The following LOXL2 variants were observed in gnomAD, a reference collection of about 807,000 sequenced individuals.
LOXL2 encodes lysyl oxidase homolog 2.
LOXL2 carries 70 observed loss-of-function variants against 93.0 expected under a neutral mutation model. The ratio of observed to expected loss-of-function variants is 0.75; its 90% CI spans 0.62 to 0.92. LOXL2 has a LOEUF of 0.92. Ranked by LOEUF, LOXL2 falls within the 40% of genes least tolerant of loss-of-function variation. The pLI is 0.00. For missense variants in LOXL2, 973 were observed against 1,054.9 expected (o/e 0.92, Z 1.08); for synonymous variants, 438 against 413.2 (o/e 1.06, Z -0.73).
chr8:23,369,219 G>A (rs927806480), intron 1 of LOXL2, among the ~76,000 whole-genome samples: 1 of 152,218 alleles, frequency 6.6e-6, no homozygotes, highest in African/African-American at 2.4e-5. Context: ...GGGCTGCAAT[G>A]CTAAATGAGT....
intron 3 of LOXL2, 35 bp from the exon 4 acceptor site, chr8:23,341,238 C>A: frequency 6.5e-7 from 1 of 1,549,408 alleles, no homozygotes; most frequent in South Asian, 1.1e-5. Context: ...AGAGGGTTAC[C>A]CTACTGGCCT....
chr8:23,398,953 C>T (rs896298395), intron 1 of LOXL2, among the ~76,000 whole-genome samples: 5 of 152,192 alleles, frequency 3.3e-5, no homozygotes, highest in African/African-American at 9.7e-5. Flanking sequence ...GCTGAGCAAG[C>T]ACTGCATTGG....
intron 10 of LOXL2, among the ~76,000 whole-genome samples, chr8:23,305,269 G>T (rs1272551588): frequency 6.6e-6 from 1 of 152,192 alleles, no homozygotes; most frequent in Non-Finnish European, 1.5e-5. Flanking sequence ...CGCACAGACA[G>T]ACTCTTGTAA....
intron 2 of LOXL2, among the ~76,000 whole-genome samples, chr8:23,366,627 G>A (rs1446673482): frequency 1.3e-5 from 2 of 152,170 alleles, no homozygotes; most frequent in East Asian, 1.9e-4. Flanking sequence ...AAGCTCCCTT[G>A]GGCGATTCTT....
chr8:23,301,315 C>T (rs905737851), intron 12 of LOXL2, among the ~76,000 whole-genome samples: 1 of 152,176 alleles, frequency 6.6e-6, no homozygotes, highest in Non-Finnish European at 1.5e-5. Flanking sequence ...TTTTCTCCCC[C>T]AGTTAGAGCC....
intron 4 of LOXL2, chr8:23,337,249 G>A (rs758348656): frequency 8.5e-5 from 13 of 152,904 alleles, no homozygotes; most frequent in Middle Eastern, 3.4e-3. Context: ...ACAGCCACGG[G>A]GCCCCCGCCA....
At chr8:23,319,626 A>G (rs891493668) in intron 8 of LOXL2, among the ~76,000 whole-genome samples, 3 of 152,106 alleles carry the variant, frequency 2.0e-5, no homozygotes, top group African/African-American at 7.2e-5. Context: ...GCAGGAGTGG[A>G]CCATGAAAAG....
At chr8:23,368,857 A>G (rs372534641) in intron 1 of LOXL2, among the ~76,000 whole-genome samples, 2 of 127,138 alleles carry the variant, frequency 1.6e-5, no homozygotes, top group Non-Finnish European at 3.7e-5. Flanking sequence ...GCTGTCTCTT[A>G]GGAGCTGTGG....
At chr8:23,316,315 A>G (rs910239561) in intron 9 of LOXL2, among the ~76,000 whole-genome samples, 1 of 152,174 alleles carries the variant, frequency 6.6e-6, no homozygotes, top group African/African-American at 2.4e-5. Flanking sequence ...TCTGGCCAGC[A>G]CCTGGGCCTC....
chr8:23,352,877 G>A (rs1804117075), intron 3 of LOXL2, among the ~76,000 whole-genome samples: 3 of 151,894 alleles, frequency 2.0e-5, no homozygotes, highest in Admixed American at 2.0e-4. Context: ...ACTGAGGCTT[G>A]GAGGTCACTC....
At chr8:23,302,237 A>C (rs780081439) in intron 11 of LOXL2, 74 bp from the exon 12 acceptor site, 1 of 1,584,178 alleles carries the variant, frequency 6.3e-7, no homozygotes, top group African/African-American at 1.3e-5. Flanking sequence ...CCTGCTTCCA[A>C]GGCCCCTACC....
intron 1 of LOXL2, among the ~76,000 whole-genome samples, chr8:23,375,413 T>C (rs1804571624): frequency 6.6e-6 from 1 of 152,156 alleles, no homozygotes. Flanking sequence ...GGCTTAGGAT[T>C]GACTTGGCAA....
intron 1 of LOXL2, among the ~76,000 whole-genome samples, chr8:23,379,408 T>A (rs2117224163): frequency 6.6e-6 from 1 of 152,268 alleles, no homozygotes; most frequent in East Asian, 1.9e-4. Flanking sequence ...GAGGCAGTCT[T>A]CCTGTTCTCA....
intron 11 of LOXL2, among the ~76,000 whole-genome samples, chr8:23,302,645 G>C (rs977526274): frequency 3.9e-5 from 6 of 152,226 alleles, no homozygotes; most frequent in Admixed American, 6.5e-5. Flanking sequence ...TCAGTGGCGG[G>C]CCGCTTCAAT....
At chr8:23,307,479 A>C (rs1038181671) in intron 10 of LOXL2, among the ~76,000 whole-genome samples, 1 of 152,170 alleles carries the variant, frequency 6.6e-6, no homozygotes, top group Non-Finnish European at 1.5e-5. Context: ...GTTGGGGAGC[A>C]GGCAGGGAGC....
chr8:23,383,514 A>G (rs554763488), intron 1 of LOXL2, among the ~76,000 whole-genome samples: 112 of 152,214 alleles, frequency 7.4e-4, no homozygotes, highest in South Asian at 3.3e-3. Flanking sequence ...TTCACATCCT[A>G]TCAATACTAC....
chr8:23,351,270 G>A (rs947463805), intron 3 of LOXL2, among the ~76,000 whole-genome samples: 2 of 152,148 alleles, frequency 1.3e-5, no homozygotes, highest in East Asian at 3.9e-4. Flanking sequence ...AGCCACTTAG[G>A]CTCATTGCAG....
In LOXL2 at chr8:23,319,872, C is replaced by T. The variant is rs115092119; in HGVS notation, c.1470+13G>A. 1,368 of 1,611,606 alleles carry T rather than the reference C, an allele frequency of 8.5e-4. 11 individuals are homozygous for T. In the African/African-American group the frequency reaches 0.015, roughly 17 times the overall value. On this transcript the variant is annotated intron_variant, in intron 8 of 13. Transcript: ENST00000389131. ...GGGGGGTGAATGCGGGGTCTGAGGCCGGGGCTTCTCACCTGGAAGGCGTTG... is the reference window on the plus strand; with the variant it reads ...GGGGGGTGAATGCGGGGTCTGAGGCTGGGGCTTCTCACCTGGAAGGCGTTG...
intron 1 of LOXL2, among the ~76,000 whole-genome samples, chr8:23,374,360 T>C (rs1163999183): frequency 1.3e-5 from 2 of 152,146 alleles, no homozygotes; most frequent in Non-Finnish European, 2.9e-5. Context: ...TGATGAACAT[T>C]TGGGTTGGTT....
Sources: gnomAD v4.1 joint callset for allele counts (sites outside exome capture counted in the v4.1 genomes callset) on GRCh38, gnomAD v4.1.1 for gene constraint, MANE v1.5 for transcripts, NCBI Gene and HGNC (gene_info 2026-07-23, HGNC 2026-07-21) for gene names.